Variants in ROBO1 observed in about 807,000 individuals in gnomAD.
ROBO1 encodes roundabout guidance receptor 1.
In ROBO1, 149 loss-of-function variants were observed where a neutral mutation model predicts 195.9. The observed-to-expected ratio is 0.76, with a 90% CI of 0.67 to 0.87. The LOEUF (loss-of-function observed/expected upper bound fraction) is 0.87. Ranked by LOEUF, ROBO1 falls within the 40% of genes least tolerant of loss-of-function variation. ROBO1 has a pLI of 0.00. For synonymous variants in ROBO1, 816 were observed against 733.2 expected (o/e 1.11, Z -1.82); for missense variants, 1,933 against 2,068.3 (o/e 0.93, Z 1.27).
At chr3:78,758,088 ACCT>A (rs1490668312) in intron 4 of ROBO1, among the ~76,000 whole-genome samples, 2 of 152,130 alleles carry the variant, frequency 1.3e-5, no homozygotes, top group African/African-American at 4.8e-5. Flanking sequence ...AAAGTTTAAG[ACCT>A]CCTCTGGATG....
At chr3:79,628,697 T>A (rs1945254550) in intron 1 of ROBO1, among the ~76,000 whole-genome samples, 1 of 152,084 alleles carries the variant, frequency 6.6e-6, no homozygotes, top group Non-Finnish European at 1.5e-5. Context: ...TTAAAAGATA[T>A]AAACTGGCCA....
chr3:78,812,236 C>T (rs970250619), intron 4 of ROBO1, among the ~76,000 whole-genome samples: 2 of 152,140 alleles, frequency 1.3e-5, no homozygotes, highest in South Asian at 2.1e-4. Context: ...CTCTAAATCT[C>T]CTACTGCAGA....
At chr3:79,715,830 A>T (rs1486986590) in intron 1 of ROBO1, among the ~76,000 whole-genome samples, 2 of 152,260 alleles carry the variant, frequency 1.3e-5, no homozygotes, top group African/African-American at 2.4e-5. Context: ...ACAGAATTAC[A>T]TTTAAATAGA....
chr3:78,628,056 C>A (rs1559665628), intron 25 of ROBO1, among the ~76,000 whole-genome samples: 1 of 151,552 alleles, frequency 6.6e-6, no homozygotes, highest in Non-Finnish European at 1.5e-5. Flanking sequence ...CAGGTTCAAG[C>A]AATTCTTTTG....
intron 1 of ROBO1, among the ~76,000 whole-genome samples, chr3:79,743,554 C>A (rs1703739730): frequency 6.6e-6 from 1 of 152,088 alleles, no homozygotes; most frequent in Non-Finnish European, 1.5e-5. Flanking sequence ...TTACAAAATT[C>A]TTTCTTTACT....
Position 78,655,509 on chromosome 3 carries a change from G to C in ROBO1, c.2614+1589C>G, listed in dbSNP as rs956414259. ...AACCCATCCGCCTATGATCCTCAATGTGTGTGTGGAACAGAGTCCCCACCC... is the reference window on the plus strand; with the variant it reads ...AACCCATCCGCCTATGATCCTCAATCTGTGTGTGGAACAGAGTCCCCACCC... On this transcript the variant is annotated intron_variant, in intron 18 of 30. Coordinates refer to ENST00000464233, the MANE Select transcript of ROBO1 (RefSeq NM_002941.4). Among the ~76,000 whole-genome samples, 5 of 152,120 alleles carry C rather than the reference G, an allele frequency of 3.3e-5. No homozygotes were observed. In the East Asian group the frequency reaches 7.7e-4, roughly 23 times the overall value.
At chr3:79,466,529 C>CTGTTAAATTATTGTTAAATT (rs1182012568) in intron 2 of ROBO1, among the ~76,000 whole-genome samples, 1 of 151,982 alleles carries the variant, frequency 6.6e-6, no homozygotes, top group Non-Finnish European at 1.5e-5. Flanking sequence ...TGTTAAATTA[C>CTGTTAAATTATTGTTAAATT]AAGAAGAGTT....
chr3:78,752,418 A>G (rs1292208223), intron 4 of ROBO1, among the ~76,000 whole-genome samples: 1 of 152,124 alleles, frequency 6.6e-6, no homozygotes, highest in Non-Finnish European at 1.5e-5. Flanking sequence ...CCTTTTTGGG[A>G]AACAGTAATA....
chr3:78,790,168 T>C (rs1246069417), intron 4 of ROBO1, among the ~76,000 whole-genome samples: 1 of 152,100 alleles, frequency 6.6e-6, no homozygotes, highest in African/African-American at 2.4e-5. Flanking sequence ...GTTCTTCTTA[T>C]ACCTGGTGTC....
rs2082195815 is a variant in ROBO1 at position 79,224,716 on chromosome 3, CTA to C, written c.89-99179_89-99178del. Among the ~76,000 whole-genome samples the C allele has an allele frequency of 2.0e-5, 3 of 152,246 alleles. No individual in the cohort carries two copies. In the South Asian group the frequency reaches 6.2e-4, roughly 32 times the overall value. On this transcript the variant is annotated intron_variant, in intron 2 of 30. Coordinates refer to ENST00000464233, the MANE Select transcript of ROBO1 (RefSeq NM_002941.4). Reference sequence around the variant, plus strand: ...CTTAGACCCCATTGGATTTTTCTGTCTATTAATTTACATGTGTATGAACTCGT... The same window carrying C: ...CTTAGACCCCATTGGATTTTTCTGTCTTAATTTACATGTGTATGAACTCGT...
intron 2 of ROBO1, among the ~76,000 whole-genome samples, chr3:79,381,243 G>C (rs944337134): frequency 9.9e-5 from 15 of 150,830 alleles, no homozygotes; most frequent in African/African-American, 3.7e-4. Context: ...TGTAATCCCA[G>C]CTACTTGGGA....
chr3:79,350,387 G>A lies in ROBO1; in HGVS notation c.89-224848C>T, dbSNP rs890759619. On this transcript the variant is annotated intron_variant, in intron 2 of 30. Coordinates refer to ENST00000464233, the MANE Select transcript of ROBO1 (RefSeq NM_002941.4). ...ACGGTGACTTTGAAAACCACTGTCC[G>A]TTCCTCAAGAAGCTTAACATAGTGT... Among the ~76,000 whole-genome samples the A allele has an allele frequency of 5.3e-5, 8 of 152,090 alleles. No homozygotes were observed. The South Asian group carries it at 8.3e-4, about 16-fold the overall frequency.
chr3:79,663,707 T>G (rs1431992008), intron 1 of ROBO1, among the ~76,000 whole-genome samples: 1 of 152,048 alleles, frequency 6.6e-6, no homozygotes, highest in Non-Finnish European at 1.5e-5. Flanking sequence ...TACTTGTATC[T>G]CTAGAGCACT....
intron 2 of ROBO1, among the ~76,000 whole-genome samples, chr3:79,231,671 A>G (rs324756): frequency 0.11 from 17,477 of 152,184 alleles, 2,675 homozygotes; most frequent in African/African-American, 0.35. Context: ...TCAAAGACCT[A>G]AAGACAGAAA....
At chr3:78,835,819 C>T (rs1357580581) in intron 4 of ROBO1, among the ~76,000 whole-genome samples, 1 of 152,150 alleles carries the variant, frequency 6.6e-6, no homozygotes, top group African/African-American at 2.4e-5. Flanking sequence ...AAAATTATTC[C>T]TATCTTAGAA....
At chr3:79,347,754 A>T (rs1242551117) in intron 2 of ROBO1, among the ~76,000 whole-genome samples, 2 of 152,232 alleles carry the variant, frequency 1.3e-5, no homozygotes, top group Non-Finnish European at 2.9e-5. Context: ...TTATTTAAAC[A>T]CTTGCTAAGA....
chr3:78,812,606 C>G (rs1350593021), intron 4 of ROBO1, among the ~76,000 whole-genome samples: 1 of 152,068 alleles, frequency 6.6e-6, no homozygotes, highest in East Asian at 1.9e-4. Flanking sequence ...TCTTCAGCAT[C>G]TAACATGCCA....
chr3:79,631,134 A>G (rs1054008549), intron 1 of ROBO1, among the ~76,000 whole-genome samples: 3 of 151,734 alleles, frequency 2.0e-5, no homozygotes, highest in Admixed American at 6.6e-5. Context: ...TTTTCACATA[A>G]TTAGAAAAAA....
At chr3:79,278,220 G>C (rs2031212651) in intron 2 of ROBO1, among the ~76,000 whole-genome samples, 1 of 152,004 alleles carries the variant, frequency 6.6e-6, no homozygotes, top group Non-Finnish European at 1.5e-5. Context: ...AATTAATATT[G>C]TTAAAATGTC....
Sources: gnomAD v4.1 joint callset for allele counts (sites outside exome capture counted in the v4.1 genomes callset) on GRCh38, gnomAD v4.1.1 for gene constraint, MANE v1.5 for transcripts, NCBI Gene and HGNC (gene_info 2026-07-23, HGNC 2026-07-21) for gene names.